The following SECISBP2 variants were observed in gnomAD, a reference collection of about 807,000 sequenced individuals.
SECISBP2 encodes the protein SECIS binding protein 2, also known as selenocysteine insertion sequence-binding protein 2.
A neutral mutation model predicts 98.2 loss-of-function variants in SECISBP2; 96 were observed. That is an observed-to-expected ratio of 0.98 (90% CI 0.83 to 1.16). SECISBP2 has a LOEUF of 1.16. SECISBP2 is among the 50% of genes most tolerant of loss of function. The pLI, the probability that SECISBP2 is intolerant of heterozygous loss-of-function variation, is 0.00. For synonymous variants in SECISBP2, 407 were observed against 370.2 expected (o/e 1.10, Z -1.14); for missense variants, 1,046 against 1,022.9 (o/e 1.02, Z -0.31).
At chr9:89,324,725 A>G (rs939218660) in intron 2 of SECISBP2, 9 of 152,584 alleles carry the variant, frequency 5.9e-5, no homozygotes, top group Non-Finnish European at 1.0e-4. Context: ...TACTATTTGT[A>G]TTTTAAATCA....
chr9:89,364,373 T>G (rs538710058), downstream of SECISBP2: 344 of 280,428 alleles, frequency 1.2e-3, no homozygotes, highest in African/African-American at 7.0e-3. Flanking sequence ...GGCCACAGCA[T>G]GGAGAGGCCC....
At chr9:89,338,085 G>C (rs1450968029) in intron 7 of SECISBP2, among the ~76,000 whole-genome samples, 2 of 152,226 alleles carry the variant, frequency 1.3e-5, no homozygotes, top group African/African-American at 4.8e-5. Context: ...GCAGACAGGT[G>C]TGATGTGCAG....
chr9:89,362,106 TA>T, downstream of SECISBP2: 1 of 560,680 alleles, frequency 1.8e-6, no homozygotes, highest in Non-Finnish European at 3.2e-6. Flanking sequence ...CACGAGCAGC[TA>T]TCAAAGCCTG....
At chr9:89,343,545 CCATGTGTT>C (rs1829980346) in intron 10 of SECISBP2, among the ~76,000 whole-genome samples, 1 of 152,086 alleles carries the variant, frequency 6.6e-6, no homozygotes, top group South Asian at 2.1e-4. Context: ...CTCCATGTGT[CCATGTGTT>C]CTCATCATTT....
In SECISBP2 at chr9:89,328,675, G is replaced by T; in HGVS notation, c.590G>T (p.Arg197Leu). The change falls in exon 5 of 17, where the codon CGA (arginine) becomes CTA (leucine). Residue 197 changes from arginine (R) to leucine (L), a missense_variant. Arg to Leu is a moderately radical substitution (Grantham distance 102, BLOSUM62 -2). Coordinates refer to ENST00000375807, the MANE Select transcript of SECISBP2 (RefSeq NM_024077.5). ...GTAATTACAGATGGTTACCATAAGCGAACAGACAGGAAATCCAGAATCATT... is the reference window on the plus strand; with the variant it reads ...GTAATTACAGATGGTTACCATAAGCTAACAGACAGGAAATCCAGAATCATT... ...NSLKSDGYHK[R>L]TDRKSRIIAK... The T allele has an allele frequency of 6.2e-7, 1 of 1,613,828 alleles. No homozygotes were observed.
chr9:89,334,876 C>A, intron 7 of SECISBP2, 146 bp downstream of exon 7: 1 of 699,056 alleles, frequency 1.4e-6, no homozygotes. Context: ...ATGATGGTTG[C>A]ACAACAGTGA....
chr9:89,319,635 CTCA>C lies in SECISBP2; in HGVS notation c.37-15_37-13del, dbSNP rs1464057868. On this transcript the variant is annotated splice_polypyrimidine_tract_variant and intron_variant, in intron 1 of 16. Coordinates refer to ENST00000375807, the MANE Select transcript of SECISBP2 (RefSeq NM_024077.5). The stretch of plus-strand genomic sequence containing the variant: ...ATCTCTGAATGTTTGTGGCCAAAAC[CTCA>C]TATTTTTCCTCAGGGCATCAAGTTA... 1.2e-6 allele frequency: 2 copies of C among 1,613,662 alleles called. No individual in the cohort carries two copies. The highest frequency in any genetic ancestry group is 2.7e-5 in the African/African-American group (2 of 74,696).
chr9:89,336,767 T>TG (rs1491417229), intron 7 of SECISBP2, among the ~76,000 whole-genome samples: 1 of 32,660 alleles, frequency 3.1e-5, no homozygotes, highest in African/African-American at 3.3e-4. Flanking sequence ...TGTCTAATTC[T>TG]TTTTTTTTTT....
chr9:89,332,712 T>G (rs888105536), intron 5 of SECISBP2, 196 bp from the exon 6 acceptor site: 2 of 601,776 alleles, frequency 3.3e-6, no homozygotes, highest in Non-Finnish European at 5.9e-6. Flanking sequence ...CTAAATCATA[T>G]GGTAAGAGTA....
Position 89,319,758 on chromosome 9 carries a change from C to G in SECISBP2, c.143C>G (p.Ala48Gly). 6.2e-7 allele frequency: 1 copy of G among 1,614,138 alleles called. No homozygotes were observed. The highest frequency in any genetic ancestry group is 8.5e-7 in the Non-Finnish European group (1 of 1,179,978). ...SEACVFPSSA[A>G]TYYPFVQEPP... is the part of the protein sequence containing the mutation. ...GCATGTGTCTTCCCCAGCTCTGCAG[C>G]CACATACTATCCGTTTGTTCAGGAA... Residue 48 changes from alanine (A) to glycine (G), a missense_variant, in exon 2 of 17, where the codon GCC becomes GGC. Coordinates refer to ENST00000375807, the MANE Select transcript of SECISBP2 (RefSeq NM_024077.5).
chr9:89,348,139 G>C lies in SECISBP2; in HGVS notation c.1663G>C (p.Ala555Pro). The C allele has an allele frequency of 6.2e-7, 1 of 1,614,126 alleles. No individual in the cohort carries two copies. The highest frequency in any genetic ancestry group is 8.5e-7 in the Non-Finnish European group (1 of 1,179,932). The change falls in exon 12 of 17, where the codon GCT becomes CCT. Residue 555 changes from alanine to proline, a missense_variant. Physicochemically the swap from Ala to Pro is conservative, Grantham distance 27. Coordinates refer to ENST00000375807, the MANE Select transcript of SECISBP2 (RefSeq NM_024077.5). ...TCTCCAAGAAAATGCTGTGAGTCCA[G>C]CTTTTACCAGTGATGACACACAAGA... ...QRLQENAVSP[A>P]FTSDDTQDGE...
intron 2 of SECISBP2, 127 bp downstream of exon 2, chr9:89,319,924 A>C: frequency 9.8e-7 from 1 of 1,015,708 alleles, no homozygotes; most frequent in Non-Finnish European, 1.5e-6. Context: ...TCTTCAACCA[A>C]GAAGAGTCTG....
chr9:89,344,226 GGATA>G (rs1317896627), intron 10 of SECISBP2, among the ~76,000 whole-genome samples: 1 of 152,088 alleles, frequency 6.6e-6, no homozygotes, highest in Non-Finnish European at 1.5e-5. Flanking sequence ...TTTGTCCGAT[GGATA>G]GATTGCAGAA....
downstream of SECISBP2, chr9:89,363,543 G>A (rs750562425): frequency 6.2e-7 from 1 of 1,613,714 alleles, no homozygotes; most frequent in Admixed American, 1.7e-5. Context: ...AAACAAGCAG[G>A]GTCCCCAGGT....
the SECISBP2 span, chr9:89,367,109 A>G: frequency 2.0e-5 from 3 of 152,630 alleles, no homozygotes; most frequent in Non-Finnish European, 4.4e-5. Context: ...TAAAGATGTT[A>G]AAGAAGTACT....
chr9:89,363,313 TAA>T (rs1833035535), downstream of SECISBP2: 1 of 1,453,792 alleles, frequency 6.9e-7, no homozygotes, highest in East Asian at 2.3e-5. Flanking sequence ...GCTCCGGGGC[TAA>T]GAGGGAACAA....
chr9:89,355,522 C>CACAA (rs966924592), intron 14 of SECISBP2: 2 of 972,982 alleles, frequency 2.1e-6, no homozygotes, highest in Admixed American at 6.2e-5. Flanking sequence ...TTGATTTGTA[C>CACAA]CTTTTTTATA....
chr9:89,355,063 T>A (rs1831864050), intron 14 of SECISBP2: 1 of 985,252 alleles, frequency 1.0e-6, no homozygotes, highest in East Asian at 1.1e-4. Context: ...GGGCAGGGTG[T>A]GGGCAGAATA....
At chr9:89,350,574 G>T in intron 13 of SECISBP2, 58 bp from the exon 14 acceptor site, 1 of 1,454,426 alleles carries the variant, frequency 6.9e-7, no homozygotes, top group Non-Finnish European at 9.7e-7. Flanking sequence ...TGGGATGGGA[G>T]CAGTGCTGCA....
Sources: allele counts gnomAD v4.1 joint callset (sites outside exome capture counted in the v4.1 genomes callset), GRCh38; gene constraint gnomAD v4.1.1; transcripts MANE v1.5; gene names NCBI Gene and HGNC (gene_info 2026-07-23, HGNC 2026-07-21).